Variants in CENPK observed in about 807,000 individuals in gnomAD.
CENPK encodes centromere protein K, also known as SoxLZ/Sox6-binding protein Solt.
A neutral mutation model predicts 40.9 loss-of-function variants in CENPK; 46 were observed. That is an observed-to-expected ratio of 1.13 (90% CI 0.89 to 1.44). The LOEUF is 1.44. Ranked by LOEUF, CENPK falls within the 40% of genes most tolerant of loss-of-function variation. The probability of loss-of-function intolerance (pLI) is 0.00; values close to 1 mark genes in which losing one functional copy is unlikely to be tolerated. For synonymous variants in CENPK, 107 were observed against 104.4 expected (o/e 1.02, Z -0.15); for missense variants, 288 against 303.5 (o/e 0.95, Z 0.38).
At chr5:65,515,176 G>A (rs1742774787), downstream of CENPK, among the ~76,000 whole-genome samples, 3 of 148,074 alleles carry the variant, frequency 2.0e-5, no homozygotes, top group Admixed American at 1.4e-4. Context: ...TTACCCTCTA[G>A]CCACTGCTTT....
chr5:65,507,764 C>A, the CENPK span, among the ~76,000 whole-genome samples: 1 of 152,060 alleles, frequency 6.6e-6, no homozygotes, highest in South Asian at 2.1e-4. Context: ...ACCACTTTTT[C>A]CAGTATTGTT....
intron 3 of CENPK, among the ~76,000 whole-genome samples, chr5:65,553,025 G>T (rs1750366623): frequency 6.6e-6 from 1 of 152,004 alleles, no homozygotes; most frequent in South Asian, 2.1e-4. Context: ...CTGCTCATTT[G>T]TAATGCAGCA....
chr5:65,515,971 T>C (rs1011057104), downstream of CENPK, among the ~76,000 whole-genome samples: 1 of 152,222 alleles, frequency 6.6e-6, no homozygotes, highest in Non-Finnish European at 1.5e-5. Context: ...CTCTCATTTG[T>C]AGACAGCTAC....
the CENPK span, among the ~76,000 whole-genome samples, chr5:65,498,382 A>G: frequency 6.6e-6 from 1 of 152,016 alleles, no homozygotes; most frequent in African/African-American, 2.4e-5. Context: ...AACTTACCAT[A>G]GTCTACTGGT....
At position 65,521,468 on chromosome 5, in the gene CENPK, CACTT is replaced by C. The variant is rs1333469705; in HGVS notation, c.651+3_651+6del. 8 of 1,606,388 alleles carry C rather than the reference CACTT, an allele frequency of 5.0e-6. No individual in the cohort carries two copies. Among genetic ancestry groups the C allele is most frequent in the East Asian group, 4.5e-5 (2 of 44,464 alleles). ...TCAAGACAAAACAAACTACACAAAA[CACTT>C]ACCTCTAACATTTCATGCAGTGTTA... On this transcript the variant is annotated splice_donor_5th_base_variant and intron_variant, in intron 10 of 10. Transcript: ENST00000396679.
chr5:65,516,945 C>CT (rs972672611), downstream of CENPK, among the ~76,000 whole-genome samples: 2,538 of 147,658 alleles, frequency 0.017, 73 homozygotes, highest in African/African-American at 0.059. Context: ...ATAAGGATTA[C>CT]TTTTTTTTTT....
chr5:65,521,078 A>G (rs1490818449), intron 10 of CENPK, among the ~76,000 whole-genome samples: 1 of 152,138 alleles, frequency 6.6e-6, no homozygotes, highest in African/African-American at 2.4e-5. Context: ...TAAGTTCATT[A>G]CGTATTTTAT....
downstream of CENPK, among the ~76,000 whole-genome samples, chr5:65,515,204 A>AATTTTTTTTTTTTTTTTTTT (rs35708852): frequency 1.6e-5 from 2 of 124,056 alleles, no homozygotes; most frequent in Non-Finnish European, 1.6e-5. Context: ...TCTCAAAAAA[A>AATTTTTTTTTTTTTTTTTTT]TTTTTTTTTT....
At chr5:65,497,036 G>A in the CENPK span, among the ~76,000 whole-genome samples, 20 of 151,994 alleles carry the variant, frequency 1.3e-4, no homozygotes, top group East Asian at 2.5e-3. Context: ...CAGCCTGGGC[G>A]ACAAGAGTGA....
intron 5 of CENPK, among the ~76,000 whole-genome samples, chr5:65,547,459 A>G (rs1459898646): frequency 6.6e-6 from 1 of 152,102 alleles, no homozygotes; most frequent in African/African-American, 2.4e-5. Flanking sequence ...TAAAAAGGCA[A>G]TAAGACATAC....
At chr5:65,511,031 T>C in the CENPK span, among the ~76,000 whole-genome samples, 1 of 152,176 alleles carries the variant, frequency 6.6e-6, no homozygotes, top group Non-Finnish European at 1.5e-5. Flanking sequence ...ATTCCTCTTC[T>C]TTATAAATTA....
At chr5:65,532,341 T>TA (rs1470611121) in intron 6 of CENPK, among the ~76,000 whole-genome samples, 5 of 152,224 alleles carry the variant, frequency 3.3e-5, no homozygotes, top group African/African-American at 1.2e-4. Flanking sequence ...ACTTCAGGAA[T>TA]AAAAAATTAC....
At chr5:65,504,155 A>T in the CENPK span, among the ~76,000 whole-genome samples, 1 of 151,664 alleles carries the variant, frequency 6.6e-6, no homozygotes, top group South Asian at 2.1e-4. Flanking sequence ...TGTCTTATAT[A>T]TTTTTTTAAA....
At chr5:65,529,038 T>C (rs1245175976) in intron 7 of CENPK, 21 bp from the exon 8 acceptor site, 1 of 1,564,902 alleles carries the variant, frequency 6.4e-7, no homozygotes, top group Admixed American at 1.7e-5. Flanking sequence ...GGAAAAACAA[T>C]ACAAGCAATA....
At chr5:65,542,986 CAG>C (rs1748243656) in intron 5 of CENPK, 138 bp from the exon 6 acceptor site, 6 of 658,324 alleles carry the variant, frequency 9.1e-6, no homozygotes, top group Middle Eastern at 4.3e-4. Flanking sequence ...CCCTCCAAGG[CAG>C]AGTTTCCCTC....
At chr5:65,521,004 GAA>G (rs1360116947) in intron 10 of CENPK, among the ~76,000 whole-genome samples, 1 of 152,120 alleles carries the variant, frequency 6.6e-6, no homozygotes, top group Non-Finnish European at 1.5e-5. Flanking sequence ...TACACTGTAA[GAA>G]AAGAGACTGA....
chr5:65,496,730 T>TAAA, the CENPK span, among the ~76,000 whole-genome samples: 1 of 152,114 alleles, frequency 6.6e-6, no homozygotes, highest in Admixed American at 6.6e-5. Context: ...TTGTTTTTTT[T>TAAA]CCAAAGTATT....
chr5:65,511,710 T>C, the CENPK span, among the ~76,000 whole-genome samples: 2 of 152,184 alleles, frequency 1.3e-5, no homozygotes, highest in South Asian at 2.1e-4. Context: ...CAAACCCTTT[T>C]GTGAACTGCT....
At chr5:65,513,298 G>C (rs1387239541), downstream of CENPK, among the ~76,000 whole-genome samples, 1 of 152,054 alleles carries the variant, frequency 6.6e-6, no homozygotes, top group African/African-American at 2.4e-5. Context: ...ATTCTGGGTC[G>C]TTCCCTCATT....
Sources: allele counts gnomAD v4.1 joint callset (sites outside exome capture counted in the v4.1 genomes callset), GRCh38; gene constraint gnomAD v4.1.1; transcripts MANE v1.5; gene names NCBI Gene and HGNC (gene_info 2026-07-23, HGNC 2026-07-21).